Variants in TBC1D4 observed in about 807,000 individuals in gnomAD.
TBC1D4 encodes TBC1 domain family member 4, also known as TBC (Tre-2, BUB2, CDC16) domain-containing protein.
Under a neutral mutation model 142.5 loss-of-function variants are expected in TBC1D4, and 121 were observed. That is an observed-to-expected ratio of 0.85 (90% CI 0.73 to 0.99). The LOEUF (loss-of-function observed/expected upper bound fraction) is 0.99, where lower values mean the gene tolerates loss of function less well. TBC1D4 is among the 50% of genes least tolerant of loss of function. TBC1D4 has a pLI of 0.00. For missense variants in TBC1D4, 1,475 were observed against 1,606.6 expected (o/e 0.92, Z 1.40); for synonymous variants, 630 against 628.2 (o/e 1.00, Z -0.04).
chr13:75,376,462 C>T (rs1883516587), intron 1 of TBC1D4, among the ~76,000 whole-genome samples: 1 of 151,674 alleles, frequency 6.6e-6, no homozygotes, highest in Admixed American at 6.6e-5. Context: ...ACTGCAACCT[C>T]CGCCTCCCGG....
chr13:75,312,996 C>G, intron 12 of TBC1D4, 98 bp from the exon 13 acceptor site: 1 of 1,357,090 alleles, frequency 7.4e-7, no homozygotes, highest in Non-Finnish European at 1.0e-6. Context: ...AGTTCTGTCA[C>G]GGGCAAGCAC....
intron 11 of TBC1D4, among the ~76,000 whole-genome samples, chr13:75,322,018 G>A (rs1286844893): frequency 2.6e-5 from 4 of 152,216 alleles, no homozygotes; most frequent in African/African-American, 9.6e-5. Context: ...GCATGGGGAT[G>A]GTGATTAGAT....
At chr13:75,381,292 G>A (rs1007564722) in intron 1 of TBC1D4, among the ~76,000 whole-genome samples, 5 of 152,008 alleles carry the variant, frequency 3.3e-5, no homozygotes, top group African/African-American at 9.7e-5. Flanking sequence ...CTTCCTCACC[G>A]TCCCTATTTG....
chr13:75,284,419 G>A lies in TBC1D4; in HGVS notation c.*2373C>T, dbSNP rs772923703. 3.3e-5 allele frequency among the ~76,000 whole-genome samples: 5 copies of A among 152,124 alleles called. No individual in the cohort carries two copies. Among genetic ancestry groups the A allele is most frequent in the Non-Finnish European group, 5.9e-5 (4 of 68,022 alleles). ...GACAGTGACAGATCATCAGGCATTC[G>A]ATTCTCTTAAGGAACACAAAACATA... On this transcript the variant is annotated 3_prime_UTR_variant, in exon 21 of 21. Transcript: ENST00000377636.
At chr13:75,373,780 C>T (rs140781578) in intron 1 of TBC1D4, among the ~76,000 whole-genome samples, 3 of 152,264 alleles carry the variant, frequency 2.0e-5, no homozygotes, top group African/African-American at 7.2e-5. Context: ...AGGTTCTGAT[C>T]AGAAAAGGCA....
chr13:75,384,189 A>G (rs556561021), intron 1 of TBC1D4, among the ~76,000 whole-genome samples: 51 of 152,246 alleles, frequency 3.3e-4, no homozygotes, highest in African/African-American at 1.2e-3. Context: ...GAATCCTAAC[A>G]CTTTGGGAGG....
chr13:75,415,108 A>C (rs1050788141), intron 1 of TBC1D4, among the ~76,000 whole-genome samples: 9 of 141,816 alleles, frequency 6.3e-5, no homozygotes, highest in Admixed American at 2.2e-4. Flanking sequence ...TGGGTGACAG[A>C]GCAAGACTCC....
chr13:75,361,877 C>G, intron 2 of TBC1D4, 149 bp downstream of exon 2: 1 of 947,004 alleles, frequency 1.1e-6, no homozygotes, highest in Non-Finnish European at 1.6e-6. Flanking sequence ...TGCACTCTTC[C>G]TCCACCTGCC....
intron 10 of TBC1D4, among the ~76,000 whole-genome samples, chr13:75,324,684 G>C (rs778338302): frequency 1.3e-5 from 2 of 152,126 alleles, no homozygotes; most frequent in Non-Finnish European, 2.9e-5. Flanking sequence ...AGGACAAAAA[G>C]TATTTGTTTT....
chr13:75,321,461 A>G (rs562006430), intron 11 of TBC1D4, among the ~76,000 whole-genome samples: 144 of 152,320 alleles, frequency 9.5e-4, no homozygotes, highest in African/African-American at 3.3e-3. Context: ...ATGTAAATGG[A>G]CCAAAAATTA....
chr13:75,417,607 C>T (rs530664381), intron 1 of TBC1D4, among the ~76,000 whole-genome samples: 45 of 152,280 alleles, frequency 3.0e-4, no homozygotes, highest in African/African-American at 1.1e-3. Flanking sequence ...GGGGCACATA[C>T]AGACCAGGCA....
At chr13:75,478,874 C>A (rs1403693686) in intron 1 of TBC1D4, among the ~76,000 whole-genome samples, 1 of 152,174 alleles carries the variant, frequency 6.6e-6, no homozygotes, top group African/African-American at 2.4e-5. Context: ...AATATTTATG[C>A]CAAAGATCAA....
At chr13:75,453,907 T>C (rs1887628758) in intron 1 of TBC1D4, among the ~76,000 whole-genome samples, 1 of 150,562 alleles carries the variant, frequency 6.6e-6, no homozygotes, top group Non-Finnish European at 1.5e-5. Context: ...AAAAGAAAAA[T>C]CATATGTGGA....
chr13:75,298,526 G>A (rs1010342802), intron 17 of TBC1D4, among the ~76,000 whole-genome samples: 26 of 152,220 alleles, frequency 1.7e-4, no homozygotes, highest in African/African-American at 5.8e-4. Flanking sequence ...TGAGGCGGGC[G>A]GATCACCTGA....
At chr13:75,375,958 AG>A (rs1176266853) in intron 1 of TBC1D4, 1 of 152,192 alleles carries the variant, frequency 6.6e-6, no homozygotes, top group Non-Finnish European at 1.5e-5. Context: ...TTACTAGAGA[AG>A]AAGGAAGAAC....
At chr13:75,399,879 A>T (rs1329602964) in intron 1 of TBC1D4, among the ~76,000 whole-genome samples, 1 of 152,174 alleles carries the variant, frequency 6.6e-6, no homozygotes, top group Non-Finnish European at 1.5e-5. Context: ...GCCAGCCACC[A>T]TGCAGGAAGT....
chr13:75,387,366 T>TC (rs1326863929), intron 1 of TBC1D4, among the ~76,000 whole-genome samples: 2 of 152,238 alleles, frequency 1.3e-5, no homozygotes, highest in Non-Finnish European at 1.5e-5. Context: ...GAATGATCGT[T>TC]CCTTAGAGGT....
chr13:75,408,110 A>G (rs1459691952), intron 1 of TBC1D4, among the ~76,000 whole-genome samples: 2 of 152,098 alleles, frequency 1.3e-5, no homozygotes, highest in East Asian at 3.8e-4. Flanking sequence ...TCGCACCTCC[A>G]TATCTGGACC....
At chr13:75,344,728 A>G (rs1881013276) in intron 5 of TBC1D4, among the ~76,000 whole-genome samples, 1 of 152,198 alleles carries the variant, frequency 6.6e-6, no homozygotes. Flanking sequence ...ACAAGGACAG[A>G]CGATGAAGGC....
Sources: allele counts gnomAD v4.1 joint callset (sites outside exome capture counted in the v4.1 genomes callset), GRCh38; gene constraint gnomAD v4.1.1; transcripts MANE v1.5; gene names NCBI Gene and HGNC (gene_info 2026-07-23, HGNC 2026-07-21).